The following MAGI2 variants were observed in gnomAD, a reference collection of about 807,000 sequenced individuals.
The protein encoded by MAGI2 is membrane associated guanylate kinase, WW and PDZ domain containing 2.
In MAGI2, 35 loss-of-function variants were observed where a neutral mutation model predicts 133.3. That is an observed-to-expected ratio of 0.26 (90% CI 0.20 to 0.35). The LOEUF (loss-of-function observed/expected upper bound fraction) is 0.35. MAGI2 is among the 10% of genes least tolerant of loss of function. The pLI is 1.00. For synonymous variants in MAGI2, 729 were observed against 710.6 expected (o/e 1.03, Z -0.41); for missense variants, 1,636 against 1,863.4 (o/e 0.88, Z 2.25).
intron 2 of MAGI2, among the ~76,000 whole-genome samples, chr7:78,917,128 A>G (rs867634342): frequency 6.6e-6 from 1 of 152,138 alleles, no homozygotes; most frequent in Non-Finnish European, 1.5e-5. Context: ...ACAATGTCAA[A>G]TATCAATGAA....
intron 3 of MAGI2, among the ~76,000 whole-genome samples, chr7:78,608,375 T>C (rs1382583599): frequency 6.6e-6 from 1 of 152,010 alleles, no homozygotes; most frequent in Non-Finnish European, 1.5e-5. Context: ...TGTCCTCATA[T>C]GTATAATAGA....
chr7:78,377,655 A>ATAT (rs1794569914), intron 6 of MAGI2, among the ~76,000 whole-genome samples: 1 of 151,280 alleles, frequency 6.6e-6, no homozygotes, highest in Non-Finnish European at 1.5e-5. Context: ...AATAATAATA[A>ATAT]TAAAAAATAA....
At chr7:79,378,478 C>G (rs2129140248) in intron 1 of MAGI2, among the ~76,000 whole-genome samples, 1 of 151,184 alleles carries the variant, frequency 6.6e-6, no homozygotes, top group East Asian at 2.0e-4. Flanking sequence ...TCCTGTATGA[C>G]TACAGGAAGA....
At chr7:79,369,461 T>C (rs2129131960) in intron 1 of MAGI2, among the ~76,000 whole-genome samples, 1 of 152,316 alleles carries the variant, frequency 6.6e-6, no homozygotes, top group Non-Finnish European at 1.5e-5. Flanking sequence ...ACATTTGATG[T>C]CCAGTCAGGA....
intron 1 of MAGI2, chr7:79,414,087 C>T (rs1846326899): frequency 6.6e-6 from 1 of 152,126 alleles, no homozygotes; most frequent in Admixed American, 6.6e-5. Flanking sequence ...TTGGCAAAGG[C>T]ATTGGTAGGA....
At chr7:78,486,640 G>C (rs1202787636) in intron 6 of MAGI2, 3 of 339,640 alleles carry the variant, frequency 8.8e-6, no homozygotes, top group Non-Finnish European at 1.8e-5. Flanking sequence ...AGGAATATCA[G>C]TCCCTTATCT....
At position 79,453,096 on chromosome 7, in the gene MAGI2, C is replaced by T. The variant is rs780571200; in HGVS notation, c.225G>A (p.Ala75=). ...CCAGCACGTCCCTGATGGTGAGCCC[C>T]GCCACGGGGGTCTCGTTCACCTCCA... is the stretch of plus-strand genomic sequence containing the variant. ...LLLEVNETPV[A]GLTIRDVLAV... The change falls in exon 1 of 22, where the codon GCG becomes GCA. Residue 75 remains alanine (A), a synonymous_variant. Coordinates refer to ENST00000354212, the MANE Select transcript of MAGI2 (RefSeq NM_012301.4). The T allele has an allele frequency of 6.2e-7, 1 of 1,613,770 alleles. No homozygotes were observed. The highest frequency in any genetic ancestry group is 1.7e-5 in the Admixed American group (1 of 60,006).
At chr7:78,757,569 A>T (rs1824080412) in intron 2 of MAGI2, among the ~76,000 whole-genome samples, 1 of 152,152 alleles carries the variant, frequency 6.6e-6, no homozygotes, top group African/African-American at 2.4e-5. Flanking sequence ...TGAACTCTCA[A>T]TGTCACTAAA....
chr7:78,674,798 T>G (rs1814810825), intron 2 of MAGI2, among the ~76,000 whole-genome samples: 1 of 152,116 alleles, frequency 6.6e-6, no homozygotes. Context: ...CTAGAGTTTA[T>G]GTAATGTAAT....
At chr7:78,732,236 C>T (rs1276472423) in intron 2 of MAGI2, among the ~76,000 whole-genome samples, 1 of 152,146 alleles carries the variant, frequency 6.6e-6, no homozygotes, top group Non-Finnish European at 1.5e-5. Flanking sequence ...AAGAATTCAG[C>T]TTGCCTGAGT....
chr7:78,683,125 G>T (rs1815876727), intron 2 of MAGI2, among the ~76,000 whole-genome samples: 2 of 152,144 alleles, frequency 1.3e-5, no homozygotes, highest in African/African-American at 4.8e-5. Context: ...GATAAAGTTG[G>T]TTGTGAAGAA....
intron 1 of MAGI2, among the ~76,000 whole-genome samples, chr7:79,438,235 G>A (rs528169720): frequency 6.6e-6 from 1 of 152,036 alleles, no homozygotes; most frequent in East Asian, 1.9e-4. Context: ...CACATTATAC[G>A]AGCCGGCGCT....
chr7:79,002,860 AGTGTGTGTGTGTGTGTGTGT>A (rs4021172), intron 2 of MAGI2, among the ~76,000 whole-genome samples: 4 of 133,638 alleles, frequency 3.0e-5, no homozygotes, highest in South Asian at 5.1e-4. Flanking sequence ...TTTATTGAAA[AGTGTGTGTGTGTGTGTGTGT>A]GTGTGTGTGT....
chr7:78,516,475 G>A (rs1471138548), intron 4 of MAGI2, among the ~76,000 whole-genome samples: 10 of 152,066 alleles, frequency 6.6e-5, no homozygotes, highest in Admixed American at 6.5e-4. Context: ...ACCTAAGCCT[G>A]CCAAGGAGCT....
intron 1 of MAGI2, among the ~76,000 whole-genome samples, chr7:79,115,525 A>G (rs1208030803): frequency 6.6e-6 from 1 of 152,166 alleles, no homozygotes; most frequent in Admixed American, 6.5e-5. Context: ...GCTCAGAAAA[A>G]TCTGCTCCTA....
At chr7:78,074,163 T>A (rs115075878) in intron 21 of MAGI2, among the ~76,000 whole-genome samples, 2,564 of 152,286 alleles carry the variant, frequency 0.017, 68 homozygotes, top group African/African-American at 0.058. Context: ...TTGGCTGAGG[T>A]GGCACCTGAC....
At chr7:78,518,051 G>A (rs1043579957) in intron 4 of MAGI2, 1 of 151,750 alleles carries the variant, frequency 6.6e-6, no homozygotes. Context: ...TCACCTACAA[G>A]CTTTATTTAC....
At chr7:78,401,946 G>A (rs1484290301) in intron 6 of MAGI2, among the ~76,000 whole-genome samples, 1 of 150,420 alleles carries the variant, frequency 6.6e-6, no homozygotes, top group African/African-American at 2.5e-5. Flanking sequence ...TTTTCAATGT[G>A]TTTCTACTTG....
chr7:79,446,600 A>G (rs1281270465), intron 1 of MAGI2, among the ~76,000 whole-genome samples: 9 of 152,262 alleles, frequency 5.9e-5, no homozygotes, highest in Non-Finnish European at 5.9e-5. Flanking sequence ...AAATATTGAA[A>G]CAAATCTAGC....
Sources: allele counts gnomAD v4.1 joint callset (sites outside exome capture counted in the v4.1 genomes callset), GRCh38; gene constraint gnomAD v4.1.1; transcripts MANE v1.5; gene names NCBI Gene and HGNC (gene_info 2026-07-23, HGNC 2026-07-21).